IL1RAPL1: variants seen among roughly 807,000 people sequenced by gnomAD.
IL1RAPL1 encodes the protein interleukin-1 receptor accessory protein-like 1.
IL1RAPL1 carries 3 observed loss-of-function variants against 48.4 expected under a neutral mutation model. That is an observed-to-expected ratio of 0.06 (90% CI 0.03 to 0.16). The LOEUF (loss-of-function observed/expected upper bound fraction) is 0.16. Ranked by LOEUF, IL1RAPL1 falls within the 10% of genes least tolerant of loss-of-function variation. The pLI is 1.00. For missense variants in IL1RAPL1, 349 were observed against 530.6 expected (o/e 0.66, Z 3.36); for synonymous variants, 185 against 187.7 (o/e 0.99, Z 0.12).
intron 8 of IL1RAPL1, among the ~76,000 whole-genome samples, chrX:29,935,229 C>T (rs1933013184): frequency 9.0e-6 from 1 of 110,713 alleles, no homozygotes; most frequent in Non-Finnish European, 1.9e-5. Flanking sequence ...TTGGTCACTT[C>T]CTTAAAATGA....
chrX:29,144,409 C>T (rs1174033767), intron 2 of IL1RAPL1, among the ~76,000 whole-genome samples: 3 of 107,859 alleles, frequency 2.8e-5, no homozygotes, highest in Admixed American at 1.0e-4. Context: ...TCGAGACCAA[C>T]CTGGCCGACA....
rs752944719 is a variant in IL1RAPL1, at chrX:29,780,068, A to AT, written c.778+111570dup. 4.3e-3 allele frequency among the ~76,000 whole-genome samples: 467 copies of AT among 109,264 alleles called. 1 individual carries two copies. Among genetic ancestry groups the AT allele is most frequent in the Non-Finnish European group, 7.3e-3 (382 of 52,152 alleles). The allele number at this position is 109,264 out of a possible 115,157, so 94.9% of individuals were successfully genotyped here. On this transcript the variant is annotated intron_variant, in intron 6 of 10. Transcript: ENST00000378993. ...GAAGGGTGTATTTTTAGCTACACTG[A>AT]TTTTTTAATTTAAAAAAAATCTACA...
At chrX:29,670,006 C>T (rs1219499562) in intron 6 of IL1RAPL1, among the ~76,000 whole-genome samples, 5 of 110,627 alleles carry the variant, frequency 4.5e-5, no homozygotes, top group African/African-American at 9.8e-5. Flanking sequence ...CATTTTGGGC[C>T]GAGAATGGAG....
At chrX:29,271,354 A>G (rs1932039424) in intron 2 of IL1RAPL1, among the ~76,000 whole-genome samples, 1 of 112,210 alleles carries the variant, frequency 8.9e-6, no homozygotes, top group South Asian at 3.7e-4. Context: ...TGACAGAACG[A>G]TTTATATTCC....
intron 3 of IL1RAPL1, among the ~76,000 whole-genome samples, chrX:29,354,734 A>G (rs765059739): frequency 8.9e-6 from 1 of 112,544 alleles, no homozygotes; most frequent in South Asian, 3.6e-4. Flanking sequence ...TCAAACCATC[A>G]TAAGTCCAGG....
At chrX:29,407,053 A>C (rs1934081549) in intron 5 of IL1RAPL1, among the ~76,000 whole-genome samples, 1 of 112,220 alleles carries the variant, frequency 8.9e-6, no homozygotes, top group Admixed American at 9.4e-5. Context: ...CCTAATAAGA[A>C]ATACAGAATC....
At chrX:28,643,040 C>A (rs1418154915) in intron 1 of IL1RAPL1, among the ~76,000 whole-genome samples, 2 of 110,949 alleles carry the variant, frequency 1.8e-5, no homozygotes, top group African/African-American at 6.6e-5. Flanking sequence ...AGGCGTGTGC[C>A]ACCATACCCA....
chrX:29,238,175 T>C (rs1390865565), intron 2 of IL1RAPL1, among the ~76,000 whole-genome samples: 2 of 111,903 alleles, frequency 1.8e-5, no homozygotes, highest in Non-Finnish European at 3.8e-5. Context: ...CTGCTTCTGT[T>C]ATTCTCAAGC....
chrX:28,878,209 T>C (rs936204733), intron 2 of IL1RAPL1, among the ~76,000 whole-genome samples: 4 of 111,965 alleles, frequency 3.6e-5, no homozygotes, highest in African/African-American at 1.3e-4. Context: ...TTACTTTATC[T>C]CAACCCTAGG....
chrX:28,944,334 T>C (rs769315131), intron 2 of IL1RAPL1, among the ~76,000 whole-genome samples: 1 of 110,505 alleles, frequency 9.0e-6, no homozygotes, highest in South Asian at 3.8e-4. Flanking sequence ...GAGTTGTCTT[T>C]GTATTCTATT....
At chrX:29,505,760 CAT>C (rs895196002) in intron 5 of IL1RAPL1, among the ~76,000 whole-genome samples, 5 of 111,764 alleles carry the variant, frequency 4.5e-5, no homozygotes, top group Admixed American at 1.9e-4. Flanking sequence ...CTGGCCTTCT[CAT>C]ATGTGGATAT....
At chrX:29,167,160 A>G (rs958059460) in intron 2 of IL1RAPL1, among the ~76,000 whole-genome samples, 19 of 111,726 alleles carry the variant, frequency 1.7e-4, no homozygotes, top group Non-Finnish European at 3.6e-4. Flanking sequence ...GTGAATTCTC[A>G]GTAAGTATTT....
intron 6 of IL1RAPL1, among the ~76,000 whole-genome samples, chrX:29,802,839 A>ATATATGTG (rs1569172916): frequency 3.5e-4 from 28 of 80,244 alleles, no homozygotes; most frequent in African/African-American, 1.4e-3. Flanking sequence ...ACATATATGT[A>ATATATGTG]TACATATATG....
chrX:29,626,182 G>A (rs1924610225), intron 5 of IL1RAPL1, among the ~76,000 whole-genome samples: 1 of 112,022 alleles, frequency 8.9e-6, no homozygotes, highest in African/African-American at 3.2e-5. Context: ...CCTCATTGAA[G>A]TGCAGAGATT....
At chrX:29,020,522 A>G (rs1393589299) in intron 2 of IL1RAPL1, among the ~76,000 whole-genome samples, 1 of 112,336 alleles carries the variant, frequency 8.9e-6, no homozygotes, top group Non-Finnish European at 1.9e-5. Context: ...TTGTGTAAGT[A>G]TTCTCTGTGA....
intron 2 of IL1RAPL1, among the ~76,000 whole-genome samples, chrX:29,150,883 C>T (rs1929451670): frequency 9.7e-6 from 1 of 102,575 alleles, no homozygotes; most frequent in Admixed American, 1.1e-4. Flanking sequence ...GATCGTGCCA[C>T]TGCACTCTAG....
At chrX:28,874,909 C>G (rs1490922378) in intron 2 of IL1RAPL1, among the ~76,000 whole-genome samples, 2 of 111,900 alleles carry the variant, frequency 1.8e-5, no homozygotes, top group South Asian at 3.7e-4. Context: ...TTTGTTCTAT[C>G]TAAATATCAA....
At chrX:28,887,418 T>A (rs1922661293) in intron 2 of IL1RAPL1, among the ~76,000 whole-genome samples, 1 of 112,067 alleles carries the variant, frequency 8.9e-6, no homozygotes, top group African/African-American at 3.2e-5. Context: ...CATAAGTTAT[T>A]TATCATGCAA....
At chrX:28,944,157 A>C (rs1243111590) in intron 2 of IL1RAPL1, among the ~76,000 whole-genome samples, 1 of 110,956 alleles carries the variant, frequency 9.0e-6, no homozygotes, top group Non-Finnish European at 1.9e-5. Context: ...AGCTCATAAT[A>C]TTATTTAAAA....
Sources: gnomAD v4.1 joint callset for allele counts (sites outside exome capture counted in the v4.1 genomes callset) on GRCh38, gnomAD v4.1.1 for gene constraint, MANE v1.5 for transcripts, NCBI Gene and HGNC (gene_info 2026-07-23, HGNC 2026-07-21) for gene names.